DET1: variants seen among roughly 807,000 people sequenced by gnomAD.
DET1 encodes the protein DET1 partner of COP1 E3 ubiquitin ligase, also known as DET1 homolog.
A neutral mutation model predicts 43.7 loss-of-function variants in DET1; 22 were observed. The observed-to-expected ratio is 0.50, with a 90% confidence interval of 0.36 to 0.72. The LOEUF (loss-of-function observed/expected upper bound fraction) is 0.72, where lower values mean the gene tolerates loss of function less well. Ranked by LOEUF, DET1 falls within the 30% of genes least tolerant of loss-of-function variation. DET1 has a pLI of 0.00. For synonymous variants in DET1, 315 were observed against 266.2 expected (o/e 1.18, Z -1.79); for missense variants, 713 against 713.3 (o/e 1.00, Z 0.00).
intron 3 of DET1, among the ~76,000 whole-genome samples, chr15:88,526,879 T>C (rs2056676714): frequency 6.6e-6 from 1 of 152,106 alleles, no homozygotes; most frequent in South Asian, 2.1e-4. Context: ...TTTAAGAACT[T>C]TACCAATCCT....
rs574183390 is a variant in DET1, at chr15:88,526,175, C to G, written c.1271+1424G>C. On this transcript the variant is annotated intron_variant, in intron 3 of 4. Transcript: ENST00000268148. Reference sequence around the variant, plus strand: ...TTGTCTGAATTCAATAGCCATCTATCTGTAATTGAGTACTATCTTTTTATA... The same window carrying G: ...TTGTCTGAATTCAATAGCCATCTATGTGTAATTGAGTACTATCTTTTTATA... Among the ~76,000 whole-genome samples the G allele has an allele frequency of 7.2e-5, 11 of 152,358 alleles. No homozygotes were observed. In the East Asian group the frequency reaches 1.3e-3, roughly 19 times the overall value.
rs1438337980 is a variant in DET1 at position 88,516,924 on chromosome 15, C to T, written c.1321G>A (p.Val441Ile). The T allele has an allele frequency of 6.2e-7, 1 of 1,608,622 alleles. No homozygotes were observed. The highest frequency in any genetic ancestry group is 8.5e-7 in the Non-Finnish European group (1 of 1,177,542). Reference sequence around the variant, plus strand: ...GGGAGCTGACCCAGCAGCCGGCGTACTGCCTCTGTGTGCCCTCCATACTTG... The same window carrying T: ...GGGAGCTGACCCAGCAGCCGGCGTATTGCCTCTGTGTGCCCTCCATACTTG... The part of the protein sequence containing the change: ...NAKYGGHTEA[V>I]RRLLGQLPIS... The change falls in exon 4 of 5, where the codon GTA becomes ATA. Residue 441 changes from valine (V) to isoleucine (I), a missense_variant. Transcript: ENST00000268148. The surrounding 1 kb of genome is among the most constrained non-coding windows in gnomAD (Gnocchi z 4.4).
At position 88,544,105 on chromosome 15, in the gene DET1, T is replaced by C. The variant is rs1008592393; in HGVS notation, c.-11+2435A>G. On this transcript the variant is annotated intron_variant, in intron 1 of 4. Transcript: ENST00000268148. ...TACTCAATAAAATCATCCCTCAATA[T>C]GGGCTGCCTGCTGCCGCAGGGTGAT... 6.6e-5 allele frequency among the ~76,000 whole-genome samples: 10 copies of C among 152,308 alleles called. 1 individual carries two copies. The highest frequency in any genetic ancestry group is 2.4e-4 in the African/African-American group (10 of 41,568).
intron 1 of DET1, among the ~76,000 whole-genome samples, chr15:88,540,297 A>G (rs538978159): frequency 2.9e-4 from 44 of 152,266 alleles, no homozygotes; most frequent in South Asian, 4.1e-4. Flanking sequence ...CCCTCCCTCA[A>G]TCTTAAAGCT....
Position 88,516,888 on chromosome 15 carries a change from G to A in DET1, c.1357C>T (p.Gln453Ter). The stretch of plus-strand genomic sequence containing the variant: ...AGATAGGGGCTACCGCTGTAAGACT[G>A]AGCACTGATGGGGAGCTGACCCAGC... The part of the protein sequence containing the change: ...RLLGQLPISA[Q>*]SYSGSPYLDL... The change falls in exon 4 of 5, where the codon CAG becomes TAG. Residue 453 changes from glutamine to a stop codon, truncating the protein, a stop_gained. Transcript: ENST00000268148. LOFTEE classifies it high-confidence loss of function. The surrounding 1 kb of genome is among the most constrained non-coding windows in gnomAD (Gnocchi z 4.4). 1 of 1,611,448 alleles carries A rather than the reference G, an allele frequency of 6.2e-7. No individual in the cohort carries two copies. The highest frequency in any genetic ancestry group is 8.5e-7 in the Non-Finnish European group (1 of 1,178,780).
chr15:88,510,549 A>T (rs2056186343), downstream of DET1, among the ~76,000 whole-genome samples: 1 of 152,176 alleles, frequency 6.6e-6, no homozygotes, highest in African/African-American at 2.4e-5. Context: ...ACACAATTAT[A>T]CCCAGTATCT....
intron 1 of DET1, among the ~76,000 whole-genome samples, chr15:88,533,450 G>A (rs2056868355): frequency 6.6e-6 from 1 of 152,114 alleles, no homozygotes; most frequent in South Asian, 2.1e-4. Flanking sequence ...CAAAATAACT[G>A]AAAGCAGGAT....
At chr15:88,524,822 A>G (rs985360452) in intron 3 of DET1, among the ~76,000 whole-genome samples, 4 of 152,310 alleles carry the variant, frequency 2.6e-5, no homozygotes, top group Admixed American at 2.0e-4. Context: ...GGAAGGCCAC[A>G]GGGTCCTCTG....
At position 88,542,396 on chromosome 15, in the gene DET1, A is replaced by C. The variant is rs145663246; in HGVS notation, c.-11+4144T>G. Among the ~76,000 whole-genome samples, 342 of 152,256 alleles carry C rather than the reference A, an allele frequency of 2.2e-3. 3 individuals are homozygous for C. Among genetic ancestry groups the C allele is most frequent in the African/African-American group, 7.9e-3 (330 of 41,550 alleles). Reference sequence around the variant, plus strand: ...ACTCAGAAGCCCATAAACTTGTCTAAGACAACTGAAGTTGTCCAGGGGCCT... The same window carrying C: ...ACTCAGAAGCCCATAAACTTGTCTACGACAACTGAAGTTGTCCAGGGGCCT... On this transcript the variant is annotated intron_variant, in intron 1 of 4. Coordinates refer to ENST00000268148, the MANE Select transcript of DET1 (RefSeq NM_001144074.3).
chr15:88,534,444 C>T (rs911728731), intron 1 of DET1, among the ~76,000 whole-genome samples: 1 of 152,144 alleles, frequency 6.6e-6, no homozygotes, highest in African/African-American at 2.4e-5. Context: ...TCTCCTGCTG[C>T]TTGAAGAGCA....
At chr15:88,523,409 G>C (rs1232843526) in intron 3 of DET1, among the ~76,000 whole-genome samples, 7 of 152,006 alleles carry the variant, frequency 4.6e-5, no homozygotes, top group African/African-American at 1.7e-4. Context: ...AAAAATTTCA[G>C]CTCCCTCTCA....
chr15:88,523,998 G>A (rs1390011463), intron 3 of DET1, among the ~76,000 whole-genome samples: 2 of 150,758 alleles, frequency 1.3e-5, no homozygotes, highest in Admixed American at 6.6e-5. Flanking sequence ...AGTGAGGAGC[G>A]CCTCTTCCCA....
Position 88,531,605 on chromosome 15 carries a change from G to C in DET1, c.101C>G (p.Thr34Ser). 6.2e-7 allele frequency: 1 copy of C among 1,614,014 alleles called. No homozygotes were observed. The highest frequency in any genetic ancestry group is 8.5e-7 in the Non-Finnish European group (1 of 1,179,892). Residue 34 changes from threonine to serine, a missense_variant, in exon 2 of 5, where the codon ACC (threonine) becomes AGC (serine). Physicochemically the swap from Thr to Ser is moderately conservative, Grantham distance 58 (BLOSUM62 1). Transcript: ENST00000268148. The surrounding 1 kb of genome is among the most constrained non-coding windows in gnomAD (Gnocchi z 6.2). ...RRRISSGKAGTHWHQVRVFHQ... is the reference protein window; with the variant it reads ...RRRISSGKAGSHWHQVRVFHQ... The stretch of plus-strand genomic sequence containing the variant: ...GAACACTCGGACTTGGTGCCAGTGG[G>C]TACCTGCCTTGCCTGAACTGATCCG...
At chr15:88,518,439 T>C (rs376730717) in intron 3 of DET1, among the ~76,000 whole-genome samples, 10 of 152,114 alleles carry the variant, frequency 6.6e-5, no homozygotes, top group African/African-American at 2.2e-4. Context: ...TTTATCACAT[T>C]TACAAATAAA....
intron 4 of DET1, among the ~76,000 whole-genome samples, chr15:88,515,693 A>T (rs1176364928): frequency 2.0e-5 from 3 of 152,122 alleles, no homozygotes; most frequent in African/African-American, 7.2e-5. Context: ...TGAAGATATT[A>T]AAGATTTTTT....
rs774067700 is a variant in DET1, at chr15:88,518,035, C to T, written c.1272-1062G>A. 2.6e-5 allele frequency among the ~76,000 whole-genome samples: 4 copies of T among 152,028 alleles called. No individual in the cohort carries two copies. In the South Asian group the frequency reaches 8.3e-4, roughly 32 times the overall value. ...TACTGCAACCTCCACCTCTCCTGGGCTCAAGCAATCCTCCTACCTCAGCTT... is the reference window on the plus strand; with the variant it reads ...TACTGCAACCTCCACCTCTCCTGGGTTCAAGCAATCCTCCTACCTCAGCTT... On this transcript the variant is annotated intron_variant, in intron 3 of 4. Coordinates refer to ENST00000268148, the MANE Select transcript of DET1 (RefSeq NM_001144074.3).
In DET1 at chr15:88,530,725, C is replaced by A; in HGVS notation, c.981G>T (p.Arg327=). The part of the protein sequence containing the change: ...RRFFQYFDQL[R]QLRMWKMQLL... ...GCTGCATTTTCCACATTCGCAGCTG[C>A]CGCAGTTGGTCAAAATACTGGAAGA... Residue 327 remains arginine, a synonymous_variant, in exon 2 of 5, where the codon CGG becomes CGT. Coordinates refer to ENST00000268148, the MANE Select transcript of DET1 (RefSeq NM_001144074.3). The A allele has an allele frequency of 3.7e-6, 6 of 1,613,986 alleles. No individual in the cohort carries two copies. The highest frequency in any genetic ancestry group is 5.1e-6 in the Non-Finnish European group (6 of 1,179,882).
intron 1 of DET1, among the ~76,000 whole-genome samples, chr15:88,533,852 T>TAAAAAAAAAAAAAAAAAAAAAA (rs368408722): frequency 2.5e-5 from 1 of 39,218 alleles, no homozygotes; most frequent in African/African-American, 7.2e-5. Flanking sequence ...ACCCAATCTC[T>TAAAAAAAAAAAAAAAAAAAAAA]AAAAAAAAAA....
At chr15:88,533,960 G>C (rs1283708301) in intron 1 of DET1, among the ~76,000 whole-genome samples, 1 of 150,376 alleles carries the variant, frequency 6.6e-6, no homozygotes, top group Non-Finnish European at 1.5e-5. Context: ...CCAGGGACTA[G>C]CAGGAGGGGA....
Sources: gnomAD v4.1 joint callset for allele counts (sites outside exome capture counted in the v4.1 genomes callset) on GRCh38, gnomAD v4.1.1 for gene constraint, Gnocchi (gnomAD v3.1) non-coding constraint, MANE v1.5 for transcripts, NCBI Gene and HGNC (gene_info 2026-07-23, HGNC 2026-07-21) for gene names.